ZNF219: variants seen among roughly 807,000 people sequenced by gnomAD.
ZNF219 encodes zinc finger protein 219.
Under a neutral mutation model 54.4 loss-of-function variants are expected in ZNF219, and 17 were observed. That is an observed-to-expected ratio of 0.31 (90% CI 0.21 to 0.47). The LOEUF (loss-of-function observed/expected upper bound fraction) is 0.47, where lower values mean the gene tolerates loss of function less well. Ranked by LOEUF, ZNF219 falls within the 20% of genes least tolerant of loss-of-function variation. ZNF219 has a pLI of 1.00. For missense variants in ZNF219, 1,014 were observed against 1,062.3 expected, an observed-to-expected ratio of 0.95 and a Z score of 0.63; for synonymous variants, 518 against 476.4, an observed-to-expected ratio of 1.09 and a Z score of -1.14.
At chr14:21,101,487 G>A, upstream of ZNF219, 1 of 1,522,608 alleles carries the variant, frequency 6.6e-7, no homozygotes, top group Non-Finnish European at 8.9e-7. Flanking sequence ...GTCTCAGCAT[G>A]TCCACTTCTA....
chr14:21,098,764 C>G, upstream of ZNF219: 7 of 1,263,240 alleles, frequency 5.5e-6, no homozygotes, highest in Non-Finnish European at 7.2e-6. Context: ...CGTCCTTCCC[C>G]CAGCCTCCAA....
upstream of ZNF219, chr14:21,103,200 G>A: frequency 6.4e-7 from 1 of 1,551,650 alleles, no homozygotes; most frequent in Non-Finnish European, 8.7e-7. Context: ...GCCAGCACAG[G>A]AGCAAATGAG....
chr14:21,093,008 G>A lies in ZNF219; in HGVS notation c.289C>T (p.Arg97Trp), dbSNP rs1454712419. Reference sequence around the variant, plus strand: ...CGCAGGTGCGAGCGCAGCAGAGCCCGCTGCGCCGCGCGGTGGCCGCAGTGA... The same window carrying A: ...CGCAGGTGCGAGCGCAGCAGAGCCCACTGCGCCGCGCGGTGGCCGCAGTGA... ...CPHCGHRAAQ[R>W]ALLRSHLRTH... The change falls in exon 3 of 5, where the codon CGG (arginine) becomes TGG (tryptophan). Residue 97 changes from arginine to tryptophan, a missense_variant. Around this residue, in one of 5 missense-constraint regions of ZNF219, gnomAD observed 395 missense variants for 415.1 expected, o/e 0.95. Transcript: ENST00000360947. The A allele has an allele frequency of 1.9e-6, 3 of 1,597,988 alleles. No homozygotes were observed. Among genetic ancestry groups the A allele is most frequent in the African/African-American group, 1.3e-5 (1 of 74,744 alleles).
At chr14:21,102,913 G>A, upstream of ZNF219, 1 of 1,379,822 alleles carries the variant, frequency 7.2e-7, no homozygotes, top group Non-Finnish European at 9.6e-7. Context: ...GAAACTGATT[G>A]GCTTTCTCTG....
chr14:21,101,649 G>T (rs1594611421), upstream of ZNF219: 17 of 656,040 alleles, frequency 2.6e-5, no homozygotes, highest in East Asian at 4.4e-4. Context: ...CTTCCATCTT[G>T]TGGGGGAAAA....
chr14:21,092,020 G>C lies in ZNF219; in HGVS notation c.1277C>G (p.Pro426Arg). 1 of 1,553,000 alleles carries C rather than the reference G, an allele frequency of 6.4e-7. No individual in the cohort carries two copies. Among genetic ancestry groups the C allele is most frequent in the Non-Finnish European group, 8.7e-7 (1 of 1,148,666 alleles). ...ARARRHRAEE[P>R]EEEEEVVEAE... ...CTCCACCACCTCCTCTTCTTCCTCA[G>C]GCTCCTCCGCACGGTGCCGGCGAGC... Residue 426 changes from proline (P) to arginine (R), a missense_variant, in exon 3 of 5, where the codon CCT becomes CGT. Pro to Arg is a moderately radical substitution (Grantham distance 103). Transcript: ENST00000360947.
At position 21,092,842 on chromosome 14, in the gene ZNF219, A is replaced by T; in HGVS notation, c.455T>A (p.Leu152Gln). The T allele has an allele frequency of 6.4e-7, 1 of 1,566,086 alleles. No individual in the cohort carries two copies. Among genetic ancestry groups the T allele is most frequent in the Admixed American group, 1.9e-5 (1 of 54,018 alleles). The change falls in exon 3 of 5, where the codon CTG becomes CAG. Residue 152 changes from leucine to glutamine, a missense_variant. Leu to Gln is a moderately radical substitution (Grantham distance 113). Coordinates refer to ENST00000360947, the MANE Select transcript of ZNF219 (RefSeq NM_016423.3). ...GMQATPATEG[L>Q]ARPQAPSSSA... ...CGATGAAGGAGCCTGGGGCCGCGCC[A>T]GACCCTCAGTGGCAGGGGTGGCCTG...
At chr14:21,091,788 G>A in intron 3 of ZNF219, 77 bp downstream of exon 3, 5 of 1,474,918 alleles carry the variant, frequency 3.4e-6, no homozygotes, top group Non-Finnish European at 4.5e-6. Context: ...CTTTTAACAA[G>A]GAAGCTACGA....
chr14:21,098,663 G>T (rs931511607), upstream of ZNF219: 3 of 1,025,006 alleles, frequency 2.9e-6, no homozygotes, highest in African/African-American at 5.2e-5. Flanking sequence ...GACGGGGGGC[G>T]CTGTCGGAGG....
chr14:21,090,691 G>A lies in ZNF219; in HGVS notation c.2014C>T (p.Arg672Trp), dbSNP rs374707232. The change falls in exon 5 of 5, where the codon CGG (arginine) becomes TGG (tryptophan). Residue 672 changes from arginine to tryptophan, a missense_variant. By Grantham distance (101) the Arg-to-Trp change is moderately radical (BLOSUM62 -3). Coordinates refer to ENST00000360947, the MANE Select transcript of ZNF219 (RefSeq NM_016423.3). The surrounding 1 kb of genome is among the most constrained non-coding windows in gnomAD (Gnocchi z 4.4). ...ALHLQVHHSRRARGRRPPQAD... is the reference protein window; with the variant it reads ...ALHLQVHHSRWARGRRPPQAD... ...TGGGGTGGCCGGCGGCCCCTAGCCCGGCGGCTGTGGTGCACTTGAAGGTGC... is the reference window on the plus strand; with the variant it reads ...TGGGGTGGCCGGCGGCCCCTAGCCCAGCGGCTGTGGTGCACTTGAAGGTGC... 6.2e-6 allele frequency: 10 copies of A among 1,611,172 alleles called. No individual in the cohort carries two copies. The African/African-American group carries it at 9.3e-5, about 15-fold the overall frequency.
At chr14:21,098,656 G>T (rs1039578835), upstream of ZNF219, 65 of 1,026,864 alleles carry the variant, frequency 6.3e-5, no homozygotes, top group South Asian at 2.2e-4. Context: ...GTTTGGAGAC[G>T]GGGGGCGCTG....
Position 21,092,736 on chromosome 14 carries a change from C to A in ZNF219, c.561G>T (p.Arg187Ser). The A allele has an allele frequency of 1.3e-6, 2 of 1,588,998 alleles. No homozygotes were observed. The highest frequency in any genetic ancestry group is 1.1e-5 in the South Asian group (1 of 88,088). Reference sequence around the variant, plus strand: ...AACTGCACAGGCCGCACTTCCAGGGCCTATGCAGGATGTGCAGGTGGCGTT... The same window carrying A: ...AACTGCACAGGCCGCACTTCCAGGGACTATGCAGGATGTGCAGGTGGCGTT... The part of the protein sequence containing the change: ...ERERHLHILH[R>S]PWKCGLCSFG... The change falls in exon 3 of 5, where the codon AGG becomes AGT. Residue 187 changes from arginine (R) to serine (S), a missense_variant. Physicochemically the swap from Arg to Ser is moderately radical, Grantham distance 110 (BLOSUM62 -1). Transcript: ENST00000360947.
upstream of ZNF219, among the ~76,000 whole-genome samples, chr14:21,100,244 T>C (rs1889545806): frequency 6.6e-6 from 1 of 152,118 alleles, no homozygotes; most frequent in Non-Finnish European, 1.5e-5. Context: ...CATGTGCCTG[T>C]GATCCCAGCT....
At position 21,091,951 on chromosome 14, in the gene ZNF219, A is replaced by T. The variant is rs900385740; in HGVS notation, c.1346T>A (p.Leu449Gln). 10 of 1,597,944 alleles carry T rather than the reference A, an allele frequency of 6.3e-6. No individual in the cohort carries two copies. Among genetic ancestry groups the T allele is most frequent in the African/African-American group, 1.3e-5 (1 of 74,650 alleles). ...ACCCGGGCGCGGGTGCAGGGAAGCC[A>T]GAGAGCCCAGCGACCTGCCCCGGGC... ...TWARGRSLGS[L>Q]ASLHPRPGEG... The change falls in exon 3 of 5, where the codon CTG becomes CAG. Residue 449 changes from leucine to glutamine, a missense_variant. Leu to Gln is a moderately radical substitution (Grantham distance 113). Around this residue, in one of 5 missense-constraint regions of ZNF219, gnomAD observed 272 missense variants for 248.9 expected, o/e 1.09. Transcript: ENST00000360947.
chr14:21,102,832 A>C, upstream of ZNF219: 2 of 1,533,978 alleles, frequency 1.3e-6, no homozygotes, highest in Non-Finnish European at 1.7e-6. Flanking sequence ...TAATTTTTCC[A>C]CTGCCTATCC....
chr14:21,093,524 T>C (rs768522903), intron 2 of ZNF219, 62 bp downstream of exon 2: 49 of 1,558,454 alleles, frequency 3.1e-5, no homozygotes, highest in Non-Finnish European at 4.4e-6. Flanking sequence ...GAGAGAGAGG[T>C]AGGCAGGAGA....
At chr14:21,094,661 C>G (rs1437741758) in intron 1 of ZNF219, 2 of 192,954 alleles carry the variant, frequency 1.0e-5, no homozygotes, top group Non-Finnish European at 2.1e-5. Context: ...ATTCCCTAGG[C>G]CTGGGACTTG....
In ZNF219 at chr14:21,092,653, G is replaced by A; in HGVS notation, c.644C>T (p.Pro215Leu). The A allele has an allele frequency of 6.4e-7, 1 of 1,567,206 alleles. No individual in the cohort carries two copies. The change falls in exon 3 of 5, where the codon CCC (proline) becomes CTC (leucine). Residue 215 changes from proline (P) to leucine (L), a missense_variant. Physicochemically the swap from Pro to Leu is moderately conservative, Grantham distance 98. Around this residue, in one of 5 missense-constraint regions of ZNF219, gnomAD observed 395 missense variants for 415.1 expected, o/e 0.95. Transcript: ENST00000360947. Reference sequence around the variant, plus strand: ...GGAGGTGGCCGCCAGGGGACGCTCGGGAGCCCCGTGGGCCGTCAGGCTGTG... The same window carrying A: ...GGAGGTGGCCGCCAGGGGACGCTCGAGAGCCCCGTGGGCCGTCAGGCTGTG... ...LHHSLTAHGAPERPLAATSAA... is the reference protein window; with the variant it reads ...LHHSLTAHGALERPLAATSAA...
upstream of ZNF219, chr14:21,102,134 A>C (rs1566557896): frequency 1.3e-6 from 2 of 1,549,442 alleles, no homozygotes; most frequent in South Asian, 1.2e-5. Flanking sequence ...AGAGGGAAGA[A>C]AACGCAGCAC....
Sources: allele counts gnomAD v4.1 joint callset (sites outside exome capture counted in the v4.1 genomes callset), GRCh38; gene constraint gnomAD v4.1.1; regional missense constraint gnomAD v4.1.1; non-coding constraint Gnocchi (gnomAD v3.1); transcripts MANE v1.5; gene names NCBI Gene and HGNC (gene_info 2026-07-23, HGNC 2026-07-21).